Variants in RNF169 observed in about 807,000 individuals in gnomAD.
The protein encoded by RNF169 is ring finger protein 169.
In RNF169, 24 loss-of-function variants were observed where a neutral mutation model predicts 53.9. The ratio of observed to expected loss-of-function variants is 0.45; its 90% CI spans 0.32 to 0.63. The LOEUF (loss-of-function observed/expected upper bound fraction) is 0.63. Among genes scored for constraint, RNF169 ranks in the 20% least tolerant of loss-of-function variants. RNF169 has a pLI of 0.04. For missense variants in RNF169, 883 were observed against 906.2 expected, an observed-to-expected ratio of 0.97 and a Z score of 0.33; for synonymous variants, 396 against 363.5, an observed-to-expected ratio of 1.09 and a Z score of -1.02.
chr11:74,822,026 AGT>A (rs202096207), intron 4 of RNF169, among the ~76,000 whole-genome samples: 9 of 149,464 alleles, frequency 6.0e-5, no homozygotes, highest in African/African-American at 1.7e-4. Context: ...TGTGTGAGTG[AGT>A]GAGAGAGAGA....
intron 1 of RNF169, among the ~76,000 whole-genome samples, chr11:74,758,983 C>A (rs1025186125): frequency 2.0e-5 from 3 of 150,616 alleles, no homozygotes; most frequent in Non-Finnish European, 3.0e-5. Context: ...CTTTTATTTC[C>A]TTGAGCAGTG....
chr11:74,833,328 A>G (rs149173330), intron 4 of RNF169, among the ~76,000 whole-genome samples: 106 of 152,378 alleles, frequency 7.0e-4, no homozygotes, highest in African/African-American at 2.5e-3. Flanking sequence ...GCTACAAAAG[A>G]GTAGATATGA....
rs2036252253 is a variant in RNF169, at chr11:74,836,121, T to C, written c.1518T>C (p.Ser506=). 1 of 1,614,092 alleles carries C rather than the reference T, an allele frequency of 6.2e-7. No homozygotes were observed. The highest frequency in any genetic ancestry group is 8.5e-7 in the Non-Finnish European group (1 of 1,180,046). The change falls in exon 6 of 6, where the codon TCT becomes TCC. Residue 506 remains serine, a synonymous_variant. Transcript: ENST00000299563. ...PTSADLDHFP[S]VSQTKAEQDS... ...CTGCTGATCTTGATCATTTCCCCTC[T>C]GTTAGCCAAACAAAAGCAGAACAGG...
intron 2 of RNF169, among the ~76,000 whole-genome samples, chr11:74,797,069 C>T (rs1591411577): frequency 6.6e-6 from 1 of 152,128 alleles, no homozygotes; most frequent in Admixed American, 6.6e-5. Flanking sequence ...CTGAATTATT[C>T]AAGTAGTAAG....
At chr11:74,758,418 G>T (rs1431828901) in intron 1 of RNF169, among the ~76,000 whole-genome samples, 1 of 150,254 alleles carries the variant, frequency 6.7e-6, no homozygotes, top group South Asian at 2.1e-4. Flanking sequence ...AGTATAGTTT[G>T]AAGTCAGGTA....
intron 4 of RNF169, among the ~76,000 whole-genome samples, chr11:74,820,648 A>C (rs1287240854): frequency 6.6e-6 from 1 of 152,026 alleles, no homozygotes; most frequent in East Asian, 1.9e-4. Context: ...AATTGGAACA[A>C]GTCAAGTGTT....
chr11:74,820,004 A>G (rs1207616261), intron 4 of RNF169, among the ~76,000 whole-genome samples: 2 of 152,204 alleles, frequency 1.3e-5, no homozygotes, highest in African/African-American at 4.8e-5. Flanking sequence ...AAGGACAGAT[A>G]TAGACAGAGA....
intron 1 of RNF169, among the ~76,000 whole-genome samples, chr11:74,788,069 A>T (rs912314163): frequency 1.3e-5 from 2 of 152,150 alleles, no homozygotes; most frequent in Admixed American, 1.3e-4. Flanking sequence ...GGCAAATTTA[A>T]TCAGAAAAGG....
At chr11:74,785,441 A>C (rs2035486169) in intron 1 of RNF169, among the ~76,000 whole-genome samples, 1 of 148,918 alleles carries the variant, frequency 6.7e-6, no homozygotes, top group African/African-American at 2.5e-5. Flanking sequence ...GCAAGCCCAC[A>C]AAAAAAAAGT....
rs1436781734 is a variant in RNF169 at position 74,821,430 on chromosome 11, G to T, written c.842+3716G>T. 2.4e-5 allele frequency among the ~76,000 whole-genome samples: 3 copies of T among 126,170 alleles called. 1 individual carries two copies. The highest frequency in any genetic ancestry group is 8.1e-5 in the African/African-American group (2 of 24,844). The allele number at this position is 126,170 out of a possible 152,430, so 82.8% of individuals were successfully genotyped here. A position where few individuals can be genotyped will look rare whatever the true frequency, so the allele number is the denominator to read the frequency against. On this transcript the variant is annotated intron_variant, in intron 4 of 5. Transcript: ENST00000299563. The stretch of plus-strand genomic sequence containing the variant: ...TCCCAGCACTTTGGGAGGCCGAGGC[G>T]GGCGGATCACGAGGTCAGGAGATCG...
intron 1 of RNF169, among the ~76,000 whole-genome samples, chr11:74,763,922 C>G (rs2035130577): frequency 6.6e-6 from 1 of 152,186 alleles, no homozygotes; most frequent in Non-Finnish European, 1.5e-5. Context: ...TCATAGCTTG[C>G]TGCAGCCTTG....
At chr11:74,759,771 C>CT (rs1219415454) in intron 1 of RNF169, among the ~76,000 whole-genome samples, 2 of 149,280 alleles carry the variant, frequency 1.3e-5, no homozygotes, top group Non-Finnish European at 3.0e-5. Context: ...CTAAAATTCT[C>CT]TTTTTTGGTT....
chr11:74,827,693 TG>T (rs1240884810), intron 4 of RNF169, among the ~76,000 whole-genome samples: 2 of 152,122 alleles, frequency 1.3e-5, no homozygotes, highest in Non-Finnish European at 1.5e-5. Context: ...AATCAATAAA[TG>T]TGATTCTTCA....
intron 2 of RNF169, among the ~76,000 whole-genome samples, chr11:74,806,924 C>T (rs2135112713): frequency 6.6e-6 from 1 of 151,754 alleles, no homozygotes; most frequent in East Asian, 1.9e-4. Context: ...GTATATTATG[C>T]TTTGATTTAA....
chr11:74,768,910 G>A (rs2035217208), intron 1 of RNF169, among the ~76,000 whole-genome samples: 1 of 152,082 alleles, frequency 6.6e-6, no homozygotes, highest in Admixed American at 6.6e-5. Context: ...AGGCAGGCAT[G>A]GTGGGGTGTG....
At chr11:74,824,106 T>C (rs1321613731) in intron 4 of RNF169, among the ~76,000 whole-genome samples, 1 of 152,162 alleles carries the variant, frequency 6.6e-6, no homozygotes, top group African/African-American at 2.4e-5. Context: ...ATGGGGACTT[T>C]AAATCATATC....
At chr11:74,809,657 T>C (rs1233995136) in intron 2 of RNF169, among the ~76,000 whole-genome samples, 1 of 152,234 alleles carries the variant, frequency 6.6e-6, no homozygotes, top group East Asian at 1.9e-4. Flanking sequence ...CCATCTCTAC[T>C]ATTATAAAAT....
chr11:74,769,667 C>A (rs559405892), intron 1 of RNF169, among the ~76,000 whole-genome samples: 2 of 151,994 alleles, frequency 1.3e-5, no homozygotes, highest in Non-Finnish European at 2.9e-5. Context: ...GGAAAAAATA[C>A]TTGCAAAAGG....
At chr11:74,817,500 A>G in intron 3 of RNF169, 96 bp from the exon 4 acceptor site, 2 of 745,132 alleles carry the variant, frequency 2.7e-6, no homozygotes, top group South Asian at 1.7e-5. Context: ...GAGCTCACAG[A>G]GAAGCGACAT....
Sources: gnomAD v4.1 joint callset for allele counts (sites outside exome capture counted in the v4.1 genomes callset) on GRCh38, gnomAD v4.1.1 for gene constraint, MANE v1.5 for transcripts, NCBI Gene and HGNC (gene_info 2026-07-23, HGNC 2026-07-21) for gene names.